The following ANGPT1 variants were observed in gnomAD, a reference collection of about 807,000 sequenced individuals.
The protein encoded by ANGPT1 is angiopoietin 1.
In ANGPT1, 17 loss-of-function variants were observed where a neutral mutation model predicts 62.2. That is an observed-to-expected ratio of 0.27 (90% CI 0.19 to 0.41). ANGPT1 has a LOEUF of 0.41. Among genes scored for constraint, ANGPT1 ranks in the 10% least tolerant of loss-of-function variants. The pLI, the probability that ANGPT1 is intolerant of heterozygous loss-of-function variation, is 1.00. For synonymous variants in ANGPT1, 199 were observed against 198.9 expected (o/e 1.00, Z 0.00); for missense variants, 478 against 594.9 (o/e 0.80, Z 2.04).
intron 3 of ANGPT1, among the ~76,000 whole-genome samples, chr8:107,328,783 AG>A (rs1279097962): frequency 6.6e-6 from 1 of 152,008 alleles, no homozygotes; most frequent in Non-Finnish European, 1.5e-5. Flanking sequence ...TGGCTAGCAA[AG>A]TTTTGGGAAA....
intron 2 of ANGPT1, among the ~76,000 whole-genome samples, chr8:107,338,738 C>T (rs1815630338): frequency 6.6e-6 from 1 of 152,140 alleles, no homozygotes; most frequent in African/African-American, 2.4e-5. Flanking sequence ...TGGAGATGCA[C>T]AAGATATAAC....
intron 8 of ANGPT1, among the ~76,000 whole-genome samples, chr8:107,256,793 T>C (rs1019095047): frequency 7.2e-5 from 11 of 152,302 alleles, no homozygotes; most frequent in East Asian, 1.9e-4. Flanking sequence ...CCCTCTGCTA[T>C]TGGGACAACT....
At position 107,266,768 on chromosome 8, in the gene ANGPT1, T is replaced by C. The variant is rs2130048883; in HGVS notation, c.1206-2417A>G. On this transcript the variant is annotated intron_variant, in intron 7 of 8. Transcript: ENST00000517746. Reference sequence around the variant, plus strand: ...TTTTCTATAGTGTCTTTGCAGGGAATTCAGCACAAATGTTTGATTTTAAAT... The same window carrying C: ...TTTTCTATAGTGTCTTTGCAGGGAACTCAGCACAAATGTTTGATTTTAAAT... Among the ~76,000 whole-genome samples the C allele has an allele frequency of 2.6e-5, 4 of 152,284 alleles. No homozygotes were observed. The South Asian group carries it at 8.3e-4, about 32-fold the overall frequency.
Position 107,355,665 on chromosome 8 carries a change from A to C in ANGPT1, c.298-8568T>G, listed in dbSNP as rs114872264. ...CTCCAACTGGAATGCTTCTTTTCAC[A>C]TTTATTCTCCCTTTTCTTGGGCTAG... On this transcript the variant is annotated intron_variant, in intron 1 of 8. Transcript: ENST00000517746. 3.8e-3 allele frequency among the ~76,000 whole-genome samples: 585 copies of C among 152,098 alleles called. 6 individuals are homozygous for C. The highest frequency in any genetic ancestry group is 0.014 in the African/African-American group (564 of 41,500).
At chr8:107,452,255 A>G (rs927822586) in intron 1 of ANGPT1, among the ~76,000 whole-genome samples, 2 of 151,634 alleles carry the variant, frequency 1.3e-5, no homozygotes, top group Non-Finnish European at 2.9e-5. Context: ...ATGAAATTAG[A>G]GAAAATGTGA....
Position 107,497,784 on chromosome 8 carries a change from T to A in ANGPT1, c.-226A>T. ...CAATGATGTTTTTCTTCGTTAAAACTTGAGATATTTATTGCATAGTAGCTG... is the reference window on the plus strand; with the variant it reads ...CAATGATGTTTTTCTTCGTTAAAACATGAGATATTTATTGCATAGTAGCTG... On this transcript the variant is annotated 5_prime_UTR_variant, in exon 1 of 9. It adds an upstream start codon to the 5' untranslated region. Coordinates refer to ENST00000517746, the MANE Select transcript of ANGPT1 (RefSeq NM_001146.5). 1.7e-6 allele frequency: 1 copy of A among 591,152 alleles called. No homozygotes were observed. The highest frequency in any genetic ancestry group is 3.0e-6 in the Non-Finnish European group (1 of 338,474). 36.6% of individuals were successfully genotyped at this position (591,152 alleles called of 1,614,324 possible). A position where few individuals can be genotyped will look rare whatever the true frequency, so the allele number is the denominator to read the frequency against.
chr8:107,346,461 C>G (rs1331505748), intron 2 of ANGPT1, among the ~76,000 whole-genome samples: 1 of 152,150 alleles, frequency 6.6e-6, no homozygotes, highest in Admixed American at 6.5e-5. Context: ...ATCATTGGCC[C>G]TAATAGGTAG....
At chr8:107,400,348 T>C (rs1486749995) in intron 1 of ANGPT1, among the ~76,000 whole-genome samples, 1 of 152,194 alleles carries the variant, frequency 6.6e-6, no homozygotes, top group Non-Finnish European at 1.5e-5. Context: ...TTCCCTGCTA[T>C]AGTCTGAATG....
rs141844054 is a variant in ANGPT1 at position 107,284,490 on chromosome 8, G to A, written c.1205+192C>T. ...CCAATATCAAAGATAGTCAACCTAC[G>A]AAAACTGAAATTTAAATCTTTGAAA... On this transcript the variant is annotated intron_variant, in intron 7 of 8. Coordinates refer to ENST00000517746, the MANE Select transcript of ANGPT1 (RefSeq NM_001146.5). 4.1e-3 allele frequency: 1,628 copies of A among 401,388 alleles called. 4 individuals carry two copies. Among genetic ancestry groups the A allele is most frequent in the Non-Finnish European group, 5.6e-3 (1,354 of 241,614 alleles). The allele number at this position is 401,388 out of a possible 1,614,324, so 24.9% of individuals were successfully genotyped here.
intron 7 of ANGPT1, among the ~76,000 whole-genome samples, chr8:107,280,153 C>T (rs569821894): frequency 1.3e-5 from 2 of 151,956 alleles, no homozygotes; most frequent in African/African-American, 4.8e-5. Flanking sequence ...TCATTAGATA[C>T]AATGTATCTT....
intron 4 of ANGPT1, among the ~76,000 whole-genome samples, chr8:107,307,180 A>G (rs1345023976): frequency 1.3e-5 from 2 of 151,990 alleles, no homozygotes; most frequent in Non-Finnish European, 2.9e-5. Context: ...TGCCATTCCT[A>G]TCACTGCTTT....
chr8:107,385,096 A>G (rs1816708025), intron 1 of ANGPT1, among the ~76,000 whole-genome samples: 1 of 151,996 alleles, frequency 6.6e-6, no homozygotes, highest in African/African-American at 2.4e-5. Context: ...TTGGCCATTC[A>G]AGCTCTTTCT....
At chr8:107,476,775 G>A (rs1056733613) in intron 1 of ANGPT1, among the ~76,000 whole-genome samples, 7 of 152,056 alleles carry the variant, frequency 4.6e-5, no homozygotes, top group South Asian at 2.1e-4. Context: ...AATTTAGTAC[G>A]TATTGCCTGA....
chr8:107,376,742 G>A (rs1427043435), intron 1 of ANGPT1, among the ~76,000 whole-genome samples: 1 of 152,068 alleles, frequency 6.6e-6, no homozygotes, highest in Non-Finnish European at 1.5e-5. Context: ...TGAGGATATA[G>A]GCCTTCAAGT....
intron 1 of ANGPT1, among the ~76,000 whole-genome samples, chr8:107,411,010 TG>T (rs988386362): frequency 6.6e-6 from 1 of 152,174 alleles, no homozygotes; most frequent in African/African-American, 2.4e-5. Context: ...TAAATAACAC[TG>T]GTTTCTGTGG....
At chr8:107,349,073 G>A (rs1815873255) in intron 1 of ANGPT1, among the ~76,000 whole-genome samples, 1 of 151,918 alleles carries the variant, frequency 6.6e-6, no homozygotes, top group Non-Finnish European at 1.5e-5. Flanking sequence ...CACAAAACCA[G>A]AGTCAGCCCA....
chr8:107,410,378 G>A (rs1429130469), intron 1 of ANGPT1, among the ~76,000 whole-genome samples: 1 of 152,104 alleles, frequency 6.6e-6, no homozygotes, highest in Non-Finnish European at 1.5e-5. Context: ...TAAGGCTCTG[G>A]AATGCCCTTC....
intron 1 of ANGPT1, among the ~76,000 whole-genome samples, chr8:107,486,397 G>A (rs866175252): frequency 4.6e-5 from 7 of 152,242 alleles, no homozygotes; most frequent in Middle Eastern, 6.8e-3. Flanking sequence ...TTTGCCACGT[G>A]AGGCAATTAT....
At chr8:107,336,495 C>T (rs965744663) in intron 2 of ANGPT1, 1 of 516,466 alleles carries the variant, frequency 1.9e-6, no homozygotes, top group Admixed American at 5.7e-5. Flanking sequence ...GAAACCCCGT[C>T]TCTACTAAAA....
Sources: allele counts gnomAD v4.1 joint callset (sites outside exome capture counted in the v4.1 genomes callset), GRCh38; gene constraint gnomAD v4.1.1; transcripts MANE v1.5; gene names NCBI Gene and HGNC (gene_info 2026-07-23, HGNC 2026-07-21).